Variants in SLC7A2 observed in about 807,000 individuals in gnomAD.
SLC7A2 encodes solute carrier family 7 member 2.
SLC7A2 carries 48 observed loss-of-function variants against 58.9 expected under a neutral mutation model. The ratio of observed to expected loss-of-function variants is 0.82; its 90% CI spans 0.65 to 1.04. The LOEUF (loss-of-function observed/expected upper bound fraction) is 1.04. Ranked by LOEUF, SLC7A2 falls within the 50% of genes least tolerant of loss-of-function variation. SLC7A2 has a pLI of 0.00. For missense variants in SLC7A2, 1,029 were observed against 818.8 expected (o/e 1.26, Z -3.13); for synonymous variants, 363 against 314.5 (o/e 1.15, Z -1.63).
In SLC7A2 at chr8:17,567,545, T is replaced by C. The variant is rs1803321596; in HGVS notation, c.*2399T>C. 6.6e-6 allele frequency: 1 copy of C among 151,628 alleles called. No homozygotes were observed. The highest frequency in any genetic ancestry group is 1.5e-5 in the Non-Finnish European group (1 of 68,000). The allele number at this position is 151,628 out of a possible 1,614,324, so 9.4% of individuals were successfully genotyped here. ...GTGTGTTTGTATGTTTGTTAACAGT[T>C]ACATATGTTTGTATGAGTGTATATA... On this transcript the variant is annotated 3_prime_UTR_variant, in exon 13 of 13. Transcript: ENST00000494857.
At chr8:17,514,961 G>A (rs1327593407) in intron 2 of SLC7A2, among the ~76,000 whole-genome samples, 2 of 152,172 alleles carry the variant, frequency 1.3e-5, no homozygotes, top group South Asian at 2.1e-4. Flanking sequence ...GATCTTGTAG[G>A]AAATTGTTTT....
At position 17,539,297 on chromosome 8, in the gene SLC7A2, C is replaced by T. The variant is rs562856827; in HGVS notation, c.-22-4021C>T. 3.4e-4 allele frequency among the ~76,000 whole-genome samples: 52 copies of T among 152,094 alleles called. 1 individual carries two copies. The highest frequency in any genetic ancestry group is 7.9e-4 in the Admixed American group (12 of 15,276). ...TAGGGACTTATCAAGGAATAAGGTG[C>T]GTAGAAATGGTTATACTTAAGTTTG... On this transcript the variant is annotated intron_variant, in intron 2 of 12. Coordinates refer to ENST00000494857, the MANE Select transcript of SLC7A2 (RefSeq NM_001370338.1).
intron 2 of SLC7A2, among the ~76,000 whole-genome samples, chr8:17,526,067 A>G (rs1801211142): frequency 6.6e-6 from 1 of 152,192 alleles, no homozygotes; most frequent in Non-Finnish European, 1.5e-5. Flanking sequence ...AAATATGAAG[A>G]TAATTCTATG....
At chr8:17,541,126 C>T (rs1287437552) in intron 2 of SLC7A2, among the ~76,000 whole-genome samples, 1 of 152,158 alleles carries the variant, frequency 6.6e-6, no homozygotes, top group African/African-American at 2.4e-5. Context: ...GGTTCCTACT[C>T]CTTGATCTTT....
At position 17,569,619 on chromosome 8, in the gene SLC7A2, G is replaced by A. The variant is rs572360230; in HGVS notation, c.*4473G>A. The A allele has an allele frequency of 2.6e-5, 4 of 152,176 alleles. No homozygotes were observed. Among genetic ancestry groups the A allele is most frequent in the Non-Finnish European group, 5.9e-5 (4 of 67,994 alleles). 9.4% of individuals were successfully genotyped at this position (152,176 alleles called of 1,614,324 possible). A position where few individuals can be genotyped will look rare whatever the true frequency, so the allele number is the denominator to read the frequency against. On this transcript the variant is annotated 3_prime_UTR_variant, in exon 13 of 13. Coordinates refer to ENST00000494857, the MANE Select transcript of SLC7A2 (RefSeq NM_001370338.1). ...TAGCCTTCCGGTTTCTGGATTTTGA[G>A]AAGCCTGATCTGTTATTGTTGTGGT...
intron 2 of SLC7A2, among the ~76,000 whole-genome samples, chr8:17,542,149 T>A (rs1440904143): frequency 6.6e-6 from 1 of 152,210 alleles, no homozygotes; most frequent in African/African-American, 2.4e-5. Flanking sequence ...TTTTTAAAAA[T>A]TCTAAAAAGT....
intron 2 of SLC7A2, among the ~76,000 whole-genome samples, chr8:17,535,005 T>TAAAACAGATAAA (rs1801605920): frequency 7.2e-5 from 11 of 152,020 alleles, no homozygotes; most frequent in African/African-American, 2.7e-4. Flanking sequence ...ATAATTTGAG[T>TAAAACAGATAAA]AGCCTGTTTA....
At chr8:17,543,025 C>T (rs923964317) in intron 2 of SLC7A2, among the ~76,000 whole-genome samples, 3 of 152,044 alleles carry the variant, frequency 2.0e-5, no homozygotes, top group African/African-American at 7.2e-5. Context: ...TTTTAATCAC[C>T]CAAGGCTGCT....
chr8:17,543,216 A>T, intron 2 of SLC7A2, 102 bp from the exon 3 acceptor site: 1 of 987,302 alleles, frequency 1.0e-6, no homozygotes, highest in Non-Finnish European at 1.5e-6. Flanking sequence ...ACACACACAC[A>T]AACACACACA....
chr8:17,529,524 G>GTT (rs1801352941), intron 2 of SLC7A2, among the ~76,000 whole-genome samples: 1 of 120,760 alleles, frequency 8.3e-6, no homozygotes. Flanking sequence ...TTTTGGTTTT[G>GTT]TTTTTTTGTT....
rs1331329112 is a variant in SLC7A2 at position 17,562,121 on chromosome 8, T to C, written c.1671+11T>C. On this transcript the variant is annotated intron_variant, in intron 11 of 12. Coordinates refer to ENST00000494857, the MANE Select transcript of SLC7A2 (RefSeq NM_001370338.1). ...AAAGTAGCCTTCATGGTATGTGTAA[T>C]GAGGATTAGAGACCCAAAATACTGT... The C allele has an allele frequency of 6.2e-7, 1 of 1,608,382 alleles. No homozygotes were observed. The highest frequency in any genetic ancestry group is 1.7e-5 in the Admixed American group (1 of 59,734).
intron 1 of SLC7A2, among the ~76,000 whole-genome samples, chr8:17,501,444 G>A (rs911790020): frequency 3.9e-5 from 6 of 152,158 alleles, no homozygotes; most frequent in African/African-American, 1.4e-4. Flanking sequence ...TTAGAGGCTG[G>A]ATTTGAATAT....
intron 2 of SLC7A2, among the ~76,000 whole-genome samples, chr8:17,515,446 C>G (rs147956470): frequency 0.012 from 1,800 of 152,122 alleles, 37 homozygotes; most frequent in African/African-American, 0.04. Flanking sequence ...CAGGCACATG[C>G]CACCACACCC....
intron 2 of SLC7A2, chr8:17,538,901 T>C: frequency 6.2e-7 from 1 of 1,613,778 alleles, no homozygotes; most frequent in Non-Finnish European, 8.5e-7. Context: ...GCCCCACCGG[T>C]TTGCGACAGC....
intron 11 of SLC7A2, 99 bp from the exon 12 acceptor site, chr8:17,563,504 G>A: frequency 1.4e-6 from 1 of 724,530 alleles, no homozygotes; most frequent in South Asian, 1.7e-5. Context: ...GACGTGGTGT[G>A]AAAGTATATA....
Position 17,538,930 on chromosome 8 carries a change from T to TC in SLC7A2, c.-22-4388_-22-4387insC, listed in dbSNP as rs75080313. On this transcript the variant is annotated intron_variant, in intron 2 of 12. Coordinates refer to ENST00000494857, the MANE Select transcript of SLC7A2 (RefSeq NM_001370338.1). ...CGACAGCAAGTTTCTCCTGTAAGATTTATTGTCAGGGCCTGGGATACTGAT... is the reference window on the plus strand; with the variant it reads ...CGACAGCAAGTTTCTCCTGTAAGATTCTATTGTCAGGGCCTGGGATACTGAT... 18,410 of 1,611,760 alleles carry TC rather than the reference T, an allele frequency of 0.011. 556 individuals are homozygous for TC. The highest frequency in any genetic ancestry group is 0.09 in the East Asian group (4,014 of 44,824).
At chr8:17,548,559 T>G (rs1802286440) in intron 4 of SLC7A2, 119 bp from the exon 5 acceptor site, 1 of 710,954 alleles carries the variant, frequency 1.4e-6, no homozygotes, top group Non-Finnish European at 2.4e-6. Flanking sequence ...TAGAGGTAGA[T>G]AGATGGAAAT....
At chr8:17,541,166 T>C (rs1801896457) in intron 2 of SLC7A2, among the ~76,000 whole-genome samples, 2 of 152,198 alleles carry the variant, frequency 1.3e-5, no homozygotes, top group South Asian at 4.1e-4. Context: ...TGCTTAAATA[T>C]TACAGAAGCT....
chr8:17,545,490 C>A (rs2517253), intron 4 of SLC7A2, among the ~76,000 whole-genome samples: 2 of 148,408 alleles, frequency 1.3e-5, no homozygotes, highest in African/African-American at 2.5e-5. Context: ...CTCCGTCTCC[C>A]GGGTGCAAGC....
Sources: gnomAD v4.1 joint callset for allele counts (sites outside exome capture counted in the v4.1 genomes callset) on GRCh38, gnomAD v4.1.1 for gene constraint, MANE v1.5 for transcripts, NCBI Gene and HGNC (gene_info 2026-07-23, HGNC 2026-07-21) for gene names.